SEPTIN9: variants seen among roughly 807,000 people sequenced by gnomAD.
The protein encoded by SEPTIN9 is septin 9.
In SEPTIN9, 13 loss-of-function variants were observed where a neutral mutation model predicts 56.6. That is an observed-to-expected ratio of 0.23 (90% confidence interval 0.15 to 0.37). SEPTIN9 has a LOEUF of 0.37. Ranked by LOEUF, SEPTIN9 falls within the 10% of genes least tolerant of loss-of-function variation. The pLI is 1.00. For synonymous variants in SEPTIN9, 332 were observed against 334.1 expected, an observed-to-expected ratio of 0.99 and a Z score of 0.07; for missense variants, 650 against 823.1, an observed-to-expected ratio of 0.79 and a Z score of 2.57.
At chr17:77,479,531 AC>A (rs1385286367) in intron 3 of SEPTIN9, among the ~76,000 whole-genome samples, 1 of 152,228 alleles carries the variant, frequency 6.6e-6, no homozygotes, top group East Asian at 1.9e-4. Context: ...CCACTGCCCT[AC>A]GTCAATGGCA....
chr17:77,394,671 C>T (rs895167289), intron 2 of SEPTIN9, among the ~76,000 whole-genome samples: 2 of 152,150 alleles, frequency 1.3e-5, no homozygotes, highest in Admixed American at 1.3e-4. Flanking sequence ...CTCTGTGGCT[C>T]GCTTGGTGTT....
chr17:77,343,711 G>C (rs913567945), intron 2 of SEPTIN9, among the ~76,000 whole-genome samples: 4 of 152,190 alleles, frequency 2.6e-5, no homozygotes, highest in African/African-American at 7.2e-5. Flanking sequence ...ACTAACTCTG[G>C]TTGGTGTCAG....
intron 2 of SEPTIN9, among the ~76,000 whole-genome samples, chr17:77,382,673 A>G (rs1414691238): frequency 6.6e-6 from 1 of 152,354 alleles, no homozygotes; most frequent in Admixed American, 6.5e-5. Flanking sequence ...CTGGGCCTCC[A>G]CCAGAAAACC....
At chr17:77,484,343 G>C (rs1331207485) in intron 4 of SEPTIN9, among the ~76,000 whole-genome samples, 1 of 148,470 alleles carries the variant, frequency 6.7e-6, no homozygotes, top group Non-Finnish European at 1.5e-5. Flanking sequence ...TGGTGATGGA[G>C]GTGATGGTGA....
intron 2 of SEPTIN9, among the ~76,000 whole-genome samples, chr17:77,332,416 C>T (rs961844752): frequency 2.0e-5 from 3 of 152,316 alleles, no homozygotes; most frequent in Middle Eastern, 3.4e-3. Flanking sequence ...CCAGCATCCA[C>T]GCTGGTTTTG....
intron 3 of SEPTIN9, among the ~76,000 whole-genome samples, chr17:77,448,188 C>T (rs927136468): frequency 2.0e-5 from 3 of 152,034 alleles, no homozygotes; most frequent in African/African-American, 7.2e-5. Context: ...TGAGACTATC[C>T]GAGGATGGGC....
intron 2 of SEPTIN9, among the ~76,000 whole-genome samples, chr17:77,362,638 T>A (rs1170611585): frequency 6.6e-6 from 1 of 152,132 alleles, no homozygotes; most frequent in African/African-American, 2.4e-5. Context: ...GGAGGCTGAC[T>A]CCCCTGTGCC....
intron 3 of SEPTIN9, chr17:77,444,653 CA>C (rs2037668813): frequency 5.5e-6 from 1 of 183,048 alleles, no homozygotes; most frequent in African/African-American, 2.4e-5. Flanking sequence ...TAGACCCCAG[CA>C]CTAGGGAATA....
At chr17:77,466,395 G>C (rs780480639) in intron 3 of SEPTIN9, 34 of 985,382 alleles carry the variant, frequency 3.5e-5, no homozygotes, top group Non-Finnish European at 4.0e-5. Flanking sequence ...CCTTCCCGGA[G>C]TTCGGGCTGG....
rs763875399 is a variant in SEPTIN9 at position 77,492,758 on chromosome 17, G to C, written c.1476+42G>C. On this transcript the variant is annotated intron_variant, in intron 9 of 11. Transcript: ENST00000427177. The surrounding 1 kb of genome is among the most constrained non-coding windows in gnomAD (Gnocchi z 5.4). ...GGATGTTGTTCCCAGGGGACCCCCA[G>C]TTCCTGCTGAAGGGTGGGTTGGGGG... 1.3e-6 allele frequency: 2 copies of C among 1,563,502 alleles called. No homozygotes were observed. The highest frequency in any genetic ancestry group is 4.5e-5 in the East Asian group (2 of 44,632).
At chr17:77,396,222 A>T (rs1454553950) in intron 2 of SEPTIN9, among the ~76,000 whole-genome samples, 1 of 152,064 alleles carries the variant, frequency 6.6e-6, no homozygotes, top group Non-Finnish European at 1.5e-5. Flanking sequence ...TCTTTCTGAC[A>T]CTGTGCACGG....
At chr17:77,301,018 A>G (rs1446460410) in intron 1 of SEPTIN9, among the ~76,000 whole-genome samples, 1 of 59,970 alleles carries the variant, frequency 1.7e-5, no homozygotes, top group Non-Finnish European at 3.2e-5. Context: ...AAGCGCCCCC[A>G]CCCCAGCTCA....
At chr17:77,282,090 G>A (rs919457306) in intron 1 of SEPTIN9, among the ~76,000 whole-genome samples, 2 of 152,176 alleles carry the variant, frequency 1.3e-5, no homozygotes, top group African/African-American at 4.8e-5. Flanking sequence ...CGCCGCCCGC[G>A]GCTGACATCC....
chr17:77,291,376 G>A (rs374773926), intron 1 of SEPTIN9, among the ~76,000 whole-genome samples: 6 of 151,552 alleles, frequency 4.0e-5, no homozygotes, highest in African/African-American at 9.7e-5. Flanking sequence ...AGCCGGGCGC[G>A]GTGGCTCATG....
intron 2 of SEPTIN9, among the ~76,000 whole-genome samples, chr17:77,316,451 A>G (rs1235009528): frequency 6.6e-6 from 1 of 152,238 alleles, no homozygotes; most frequent in South Asian, 2.1e-4. Flanking sequence ...ATGCTGGGTA[A>G]AACTGAGGGT....
At chr17:77,461,999 C>G (rs913288316) in intron 3 of SEPTIN9, among the ~76,000 whole-genome samples, 1 of 152,246 alleles carries the variant, frequency 6.6e-6, no homozygotes, top group African/African-American at 2.4e-5. Context: ...CTCTCTCACT[C>G]AGGCCTTGTG....
rs2037383143 is a variant in SEPTIN9 at position 77,437,449 on chromosome 17, ACT to A, written c.721+34752_721+34753del. Reference sequence around the variant, plus strand: ...ATGTGTGGCTGCCTTTATGTAACCAACTCTCTCACGGAGAAGCCAGGGGATGG... The same window carrying A: ...ATGTGTGGCTGCCTTTATGTAACCAACTCTCACGGAGAAGCCAGGGGATGG... On this transcript the variant is annotated intron_variant, in intron 3 of 11. Transcript: ENST00000427177. This position sits in a 1 kb window ranked among gnomAD's most constrained non-coding sequence, Gnocchi z 5.3. Among the ~76,000 whole-genome samples, 1 of 148,208 alleles carries A rather than the reference ACT, an allele frequency of 6.7e-6. No individual in the cohort carries two copies. Among genetic ancestry groups the A allele is most frequent in the Non-Finnish European group, 1.5e-5 (1 of 67,416 alleles).
intron 1 of SEPTIN9, among the ~76,000 whole-genome samples, chr17:77,298,039 A>C (rs1456607257): frequency 6.6e-6 from 1 of 152,122 alleles, no homozygotes; most frequent in African/African-American, 2.4e-5. Flanking sequence ...GAGGAGGGAG[A>C]CGCAGGTCAA....
chr17:77,304,886 A>G (rs975794008), intron 1 of SEPTIN9, among the ~76,000 whole-genome samples: 7 of 152,036 alleles, frequency 4.6e-5, no homozygotes, highest in Admixed American at 2.6e-4. Flanking sequence ...GCCATCGTGG[A>G]AGTGAGCTCA....
Sources: gnomAD v4.1 joint callset for allele counts (sites outside exome capture counted in the v4.1 genomes callset) on GRCh38, gnomAD v4.1.1 for gene constraint, Gnocchi (gnomAD v3.1) non-coding constraint, MANE v1.5 for transcripts, NCBI Gene and HGNC (gene_info 2026-07-23, HGNC 2026-07-21) for gene names.